Variants in CAPZB observed in about 807,000 individuals in gnomAD.
The protein encoded by CAPZB is F-actin-capping protein subunit beta.
Under a neutral mutation model 38.1 loss-of-function variants are expected in CAPZB, and 2 were observed. The observed-to-expected ratio is 0.05, with a 90% CI of 0.02 to 0.17. CAPZB has a LOEUF of 0.17. Ranked by LOEUF, CAPZB falls within the 10% of genes least tolerant of loss-of-function variation. The pLI, the probability that CAPZB is intolerant of heterozygous loss-of-function variation, is 1.00. For synonymous variants in CAPZB, 107 were observed against 127.4 expected, an observed-to-expected ratio of 0.84 and a Z score of 1.08; for missense variants, 161 against 334.2, an observed-to-expected ratio of 0.48 and a Z score of 4.04.
chr1:19,400,568 C>T (rs10799809), intron 2 of CAPZB, among the ~76,000 whole-genome samples: 94,091 of 152,022 alleles, frequency 0.62, 29,342 homozygotes, highest in East Asian at 0.72. Context: ...CCTTTTCTGG[C>T]ACGTGGGGAA....
At chr1:19,450,685 G>A (rs2094513105) in intron 1 of CAPZB, among the ~76,000 whole-genome samples, 1 of 152,138 alleles carries the variant, frequency 6.6e-6, no homozygotes, top group Admixed American at 6.5e-5. Flanking sequence ...AAGAGAAGCT[G>A]GGCACAAGGC....
In CAPZB at chr1:19,357,908, G is replaced by T. The variant is rs1166248327; in HGVS notation, c.330-345C>A. On this transcript the variant is annotated intron_variant, in intron 4 of 8. Coordinates refer to ENST00000264202, the MANE Select transcript of CAPZB (RefSeq NM_004930.5). The surrounding 1 kb of genome is among the most constrained non-coding windows in gnomAD (Gnocchi z 4.3). ...TCCAGTGACAATCCATGCAGGCCAT[G>T]ACTACTGGAGTCACCACGGTTGTTC... 6.6e-6 allele frequency among the ~76,000 whole-genome samples: 1 copy of T among 152,160 alleles called. No homozygotes were observed. Among genetic ancestry groups the T allele is most frequent in the Non-Finnish European group, 1.5e-5 (1 of 68,034 alleles).
At chr1:19,482,470 C>T (rs1041910595) in intron 1 of CAPZB, among the ~76,000 whole-genome samples, 2 of 152,220 alleles carry the variant, frequency 1.3e-5, no homozygotes, top group Admixed American at 6.5e-5. Context: ...TCCCTAGTCC[C>T]CGTTCCTGCT....
intron 1 of CAPZB, among the ~76,000 whole-genome samples, chr1:19,479,866 CCTGAGA>C (rs1162186667): frequency 6.6e-6 from 1 of 152,196 alleles, no homozygotes; most frequent in Non-Finnish European, 1.5e-5. Context: ...ACAACTCACT[CCTGAGA>C]CTGAGGCACC....
intron 1 of CAPZB, among the ~76,000 whole-genome samples, chr1:19,429,858 C>T (rs2094436544): frequency 6.6e-6 from 1 of 152,122 alleles, no homozygotes; most frequent in African/African-American, 2.4e-5. Flanking sequence ...CACACAACCG[C>T]CCCTGCCCTG....
At chr1:19,401,157 A>G (rs1030951970) in intron 2 of CAPZB, among the ~76,000 whole-genome samples, 1 of 151,902 alleles carries the variant, frequency 6.6e-6, no homozygotes, top group African/African-American at 2.4e-5. Flanking sequence ...TTCACAAGCA[A>G]TTCCTAAGAG....
chr1:19,346,608 T>C (rs2093962349), intron 6 of CAPZB, among the ~76,000 whole-genome samples: 1 of 152,104 alleles, frequency 6.6e-6, no homozygotes, highest in Non-Finnish European at 1.5e-5. Flanking sequence ...GTACGGGCTC[T>C]GTTGCTTCTC....
chr1:19,458,367 T>C (rs989487776), intron 1 of CAPZB, among the ~76,000 whole-genome samples: 3 of 152,206 alleles, frequency 2.0e-5, no homozygotes, highest in Non-Finnish European at 4.4e-5. Context: ...GTTTGCTTAA[T>C]TTTGAGACGG....
At chr1:19,399,236 T>C (rs1207014678) in intron 2 of CAPZB, among the ~76,000 whole-genome samples, 1 of 152,198 alleles carries the variant, frequency 6.6e-6, no homozygotes, top group African/African-American at 2.4e-5. Context: ...ATGTGAATTA[T>C]ATCTCCAGAA....
intron 4 of CAPZB, among the ~76,000 whole-genome samples, chr1:19,370,475 C>G (rs1243629640): frequency 6.6e-6 from 1 of 152,178 alleles, no homozygotes; most frequent in African/African-American, 2.4e-5. Context: ...GTGATACACT[C>G]CCCCAGGGAT....
At chr1:19,406,220 A>C (rs572355650) in intron 2 of CAPZB, among the ~76,000 whole-genome samples, 81 of 152,330 alleles carry the variant, frequency 5.3e-4, no homozygotes, top group Non-Finnish European at 1.0e-3. Flanking sequence ...TTCCTCCCCC[A>C]CGCATCCCTT....
chr1:19,385,437 G>GC, intron 3 of CAPZB, 68 bp downstream of exon 3: 2 of 1,598,094 alleles, frequency 1.3e-6, no homozygotes, highest in African/African-American at 2.7e-5. Context: ...CCCGTGCTCT[G>GC]CAGCAGGTAC....
chr1:19,345,001 A>G, intron 7 of CAPZB, among the ~76,000 whole-genome samples, 186 bp downstream of exon 7: 1 of 152,336 alleles, frequency 6.6e-6, no homozygotes, highest in South Asian at 2.1e-4. Flanking sequence ...CTGAAGCTGG[A>G]GCCTGCTGGC....
chr1:19,461,586 GC>G (rs2094552092), intron 1 of CAPZB, among the ~76,000 whole-genome samples: 1 of 152,234 alleles, frequency 6.6e-6, no homozygotes, highest in South Asian at 2.1e-4. Context: ...CAGGGCCATT[GC>G]CCCCTTGACT....
At chr1:19,484,063 G>A (rs2094640828) in intron 1 of CAPZB, 2 of 927,384 alleles carry the variant, frequency 2.2e-6, no homozygotes, top group Non-Finnish European at 3.2e-6. Context: ...AGTGGCAGGA[G>A]GGCAGGTCTA....
At chr1:19,388,266 A>G (rs1359262545) in intron 2 of CAPZB, among the ~76,000 whole-genome samples, 1 of 152,188 alleles carries the variant, frequency 6.6e-6, no homozygotes, top group Admixed American at 6.5e-5. Context: ...AGTTATCTGT[A>G]TCCCTCACTA....
chr1:19,417,527 C>A (rs1419026726), intron 2 of CAPZB, among the ~76,000 whole-genome samples: 1 of 152,146 alleles, frequency 6.6e-6, no homozygotes, highest in Non-Finnish European at 1.5e-5. Flanking sequence ...ACTTCCCAGA[C>A]CACATTCTGT....
chr1:19,408,591 C>A (rs1018550344), intron 2 of CAPZB, among the ~76,000 whole-genome samples: 4 of 152,226 alleles, frequency 2.6e-5, no homozygotes, highest in Admixed American at 6.5e-5. Context: ...AAACTGAGGT[C>A]TCTTCTGCCA....
At chr1:19,391,071 C>CTT (rs11388908) in intron 2 of CAPZB, among the ~76,000 whole-genome samples, 36 of 149,946 alleles carry the variant, frequency 2.4e-4, no homozygotes, top group Admixed American at 6.6e-4. Context: ...AAACTGAACA[C>CTT]TTTTTTTTTT....
Sources: gnomAD v4.1 joint callset for allele counts (sites outside exome capture counted in the v4.1 genomes callset) on GRCh38, gnomAD v4.1.1 for gene constraint, Gnocchi (gnomAD v3.1) non-coding constraint, MANE v1.5 for transcripts, NCBI Gene and HGNC (gene_info 2026-07-23, HGNC 2026-07-21) for gene names.